The following IPO5 variants were observed in gnomAD, a reference collection of about 807,000 sequenced individuals.
IPO5 encodes the protein importin-5.
Under a neutral mutation model 143.3 loss-of-function variants are expected in IPO5, and 18 were observed. The ratio of observed to expected loss-of-function variants is 0.13; its 90% confidence interval spans 0.09 to 0.19. The LOEUF is 0.19. IPO5 is among the 10% of genes least tolerant of loss of function. The pLI, the probability that IPO5 is intolerant of heterozygous loss-of-function variation, is 1.00. For synonymous variants in IPO5, 477 were observed against 465.7 expected (o/e 1.02, Z -0.31); for missense variants, 1,013 against 1,336.9 (o/e 0.76, Z 3.78).
chr13:98,007,716 A>G (rs1302515623), intron 17 of IPO5: 1 of 184,518 alleles, frequency 5.4e-6, no homozygotes. Flanking sequence ...AGTGAAAATC[A>G]TAGACAAAAT....
At chr13:98,001,054 T>C (rs934441464) in intron 13 of IPO5, 1 of 197,612 alleles carries the variant, frequency 5.1e-6, no homozygotes, top group Non-Finnish European at 1.0e-5. Flanking sequence ...CAGCTGTTGT[T>C]GTTGACACAG....
In IPO5 at chr13:98,002,450, G is replaced by GT. The variant is rs1204518467; in HGVS notation, c.1109-16dup. 2.5e-6 allele frequency: 4 copies of GT among 1,612,786 alleles called. No individual in the cohort carries two copies. The highest frequency in any genetic ancestry group is 1.7e-5 in the Admixed American group (1 of 59,828). The stretch of plus-strand genomic sequence containing the variant: ...ATAGTGTGTAATTGCTATTCCATCT[G>GT]TAATTTTTTTCGGTAGCTGACTGGA... On this transcript the variant is annotated splice_polypyrimidine_tract_variant and intron_variant, in intron 13 of 28. Transcript: ENST00000651721.
At position 97,990,113 on chromosome 13, in the gene IPO5, G is replaced by T; in HGVS notation, c.468-13G>T. The T allele has an allele frequency of 6.7e-7, 1 of 1,488,094 alleles. No individual in the cohort carries two copies. The highest frequency in any genetic ancestry group is 9.4e-7 in the Non-Finnish European group (1 of 1,067,464). The allele number at this position is 1,488,094 out of a possible 1,614,324, so 92.2% of individuals were successfully genotyped here. A position where few individuals can be genotyped will look rare whatever the true frequency, so the allele number is the denominator to read the frequency against. Reference sequence around the variant, plus strand: ...TAATGTAGTTTTTAAAGAATGTTTGGATTATCTTTTAGGAACTTTCCTGGA... The same window carrying T: ...TAATGTAGTTTTTAAAGAATGTTTGTATTATCTTTTAGGAACTTTCCTGGA... On this transcript the variant is annotated splice_polypyrimidine_tract_variant and intron_variant, in intron 7 of 28. Transcript: ENST00000651721.
At chr13:97,968,174 A>G (rs536158468) in intron 2 of IPO5, among the ~76,000 whole-genome samples, 4 of 152,306 alleles carry the variant, frequency 2.6e-5, no homozygotes, top group South Asian at 4.1e-4. Context: ...ATGCAGTTTA[A>G]TCTCTTGTGA....
At chr13:97,986,822 A>G (rs1887394086) in intron 6 of IPO5, 1 of 152,132 alleles carries the variant, frequency 6.6e-6, no homozygotes, top group Admixed American at 6.5e-5. Flanking sequence ...CTTTATTTCC[A>G]TTTGGTCTAG....
At chr13:97,977,031 G>A (rs1274164815) in intron 4 of IPO5, 3 of 203,698 alleles carry the variant, frequency 1.5e-5, no homozygotes, top group South Asian at 6.0e-5. Flanking sequence ...ACCCACGTGC[G>A]GCCGCTCCCG....
rs1402707226 is a variant in IPO5 at position 97,990,531 on chromosome 13, C to G, written c.663C>G (p.Phe221Leu). ...ATTTTGCAGACTTGCTACCGGGATT[C>G]CTACAGGTATGAAAGCAATATAGAA... ...FKHFADLLPG[F>L]LQAVNDSCYQ... The change falls in exon 9 of 29, where the codon TTC (phenylalanine) becomes TTG (leucine). Residue 221 changes from phenylalanine (F) to leucine (L), a missense_variant. Phe to Leu is a conservative substitution (Grantham distance 22, BLOSUM62 0). Coordinates refer to ENST00000651721, the MANE Select transcript of IPO5 (RefSeq NM_002271.6). 6.4e-7 allele frequency: 1 copy of G among 1,552,218 alleles called. No homozygotes were observed. Among genetic ancestry groups the G allele is most frequent in the Admixed American group, 1.9e-5 (1 of 51,802 alleles).
chr13:97,980,356 A>G (rs1210590578), intron 4 of IPO5, among the ~76,000 whole-genome samples: 1 of 152,170 alleles, frequency 6.6e-6, no homozygotes, highest in Non-Finnish European at 1.5e-5. Context: ...CACTCGTACT[A>G]AACTCTCCCA....
intron 16 of IPO5, among the ~76,000 whole-genome samples, chr13:98,004,434 G>A (rs1020537439): frequency 1.3e-5 from 2 of 152,202 alleles, no homozygotes; most frequent in Admixed American, 6.5e-5. Flanking sequence ...CCAAGTTGAA[G>A]GCAGATTGGT....
chr13:98,008,246 A>G (rs1004649604), intron 18 of IPO5, 104 bp downstream of exon 18: 66 of 655,410 alleles, frequency 1.0e-4, no homozygotes, highest in Admixed American at 7.9e-4. Context: ...TTGACATACT[A>G]TCAACCCCTG....
At chr13:97,963,537 T>G (rs1885060171) in intron 2 of IPO5, among the ~76,000 whole-genome samples, 1 of 151,990 alleles carries the variant, frequency 6.6e-6, no homozygotes, top group Non-Finnish European at 1.5e-5. Flanking sequence ...GCCCGGCTAA[T>G]TTTTTGTATT....
At chr13:98,005,673 C>T (rs1889178793) in intron 16 of IPO5, among the ~76,000 whole-genome samples, 1 of 151,976 alleles carries the variant, frequency 6.6e-6, no homozygotes, top group Admixed American at 6.6e-5. Flanking sequence ...AGGGTTCCTT[C>T]GTGCGATCTT....
chr13:97,978,143 G>A (rs1229240098), intron 4 of IPO5, among the ~76,000 whole-genome samples: 1 of 151,998 alleles, frequency 6.6e-6, no homozygotes, highest in African/African-American at 2.4e-5. Context: ...ACATGTTCAG[G>A]GTAAAAATTC....
At chr13:97,973,849 C>T (rs1338079554) in intron 3 of IPO5, among the ~76,000 whole-genome samples, 2 of 152,088 alleles carry the variant, frequency 1.3e-5, no homozygotes, top group East Asian at 3.9e-4. Context: ...GTGGGAGGAT[C>T]GCCCGAACTC....
chr13:98,021,911 G>T lies in IPO5; in HGVS notation c.*89G>T. Reference sequence around the variant, plus strand: ...TTCTTTGTTTTGTTTTTGAGCAAAAGAGATCGGTAGTGTTGTGTGTAGGCC... The same window carrying T: ...TTCTTTGTTTTGTTTTTGAGCAAAATAGATCGGTAGTGTTGTGTGTAGGCC... On this transcript the variant is annotated 3_prime_UTR_variant, in exon 29 of 29. Coordinates refer to ENST00000651721, the MANE Select transcript of IPO5 (RefSeq NM_002271.6). The T allele has an allele frequency of 1.2e-6, 1 of 853,142 alleles. No individual in the cohort carries two copies. 52.8% of individuals were successfully genotyped at this position (853,142 alleles called of 1,614,324 possible). A position where few individuals can be genotyped will look rare whatever the true frequency, so the allele number is the denominator to read the frequency against.
At chr13:98,009,262 CAG>C (rs1158064104) in intron 18 of IPO5, among the ~76,000 whole-genome samples, 2 of 152,154 alleles carry the variant, frequency 1.3e-5, no homozygotes, top group South Asian at 2.1e-4. Flanking sequence ...TGACAGATAT[CAG>C]GGGATAAGAA....
intron 10 of IPO5, 33 bp from the exon 11 acceptor site, chr13:97,993,069 AATT>A: frequency 6.2e-7 from 1 of 1,612,264 alleles, no homozygotes; most frequent in South Asian, 1.1e-5. Flanking sequence ...GACTAATCTA[AATT>A]ATTAAATGTA....
At chr13:97,993,345 G>T (rs1257498548) in intron 11 of IPO5, 120 bp downstream of exon 11, 16 of 862,744 alleles carry the variant, frequency 1.9e-5, no homozygotes, top group African/African-American at 3.4e-5. Flanking sequence ...TTTAGAATCA[G>T]ATGAATTTGG....
At position 98,023,871 on chromosome 13, in the gene IPO5, A is replaced by C. The variant is rs1332508655; in HGVS notation, c.*2049A>C. The stretch of plus-strand genomic sequence containing the variant: ...TTCTGAAACCCAGAGCTCAGAACTA[A>C]CTGTGAGATGTACCATGAACTAACA... On this transcript the variant is annotated 3_prime_UTR_variant, in exon 29 of 29. Transcript: ENST00000651721. 6.6e-6 allele frequency: 1 copy of C among 152,226 alleles called. No homozygotes were observed. The highest frequency in any genetic ancestry group is 1.5e-5 in the Non-Finnish European group (1 of 68,050). 9.4% of individuals were successfully genotyped at this position (152,226 alleles called of 1,614,324 possible). A position where few individuals can be genotyped will look rare whatever the true frequency, so the allele number is the denominator to read the frequency against.
Sources: allele counts gnomAD v4.1 joint callset (sites outside exome capture counted in the v4.1 genomes callset), GRCh38; gene constraint gnomAD v4.1.1; transcripts MANE v1.5; gene names NCBI Gene and HGNC (gene_info 2026-07-23, HGNC 2026-07-21).